Variants in TDRP observed in about 807,000 individuals in gnomAD.
TDRP encodes the protein testis development-related protein.
In TDRP, 12 loss-of-function variants were observed where a neutral mutation model predicts 10.5. The ratio of observed to expected loss-of-function variants is 1.15; its 90% CI spans 0.73 to 1.86. TDRP has a LOEUF of 1.86. Ranked by LOEUF, TDRP falls within the 40% of genes most tolerant of loss-of-function variation. The pLI, the probability that TDRP is intolerant of heterozygous loss-of-function variation, is 0.00. For synonymous variants in TDRP, 139 were observed against 95.4 expected, an observed-to-expected ratio of 1.46 and a Z score of -2.67; for missense variants, 353 against 229.2, an observed-to-expected ratio of 1.54 and a Z score of -3.49.
chr8:535,725 G>A (rs571035748), intron 1 of TDRP, among the ~76,000 whole-genome samples: 1 of 150,968 alleles, frequency 6.6e-6, no homozygotes, highest in African/African-American at 2.4e-5. Flanking sequence ...ACCAGAGGCA[G>A]GTCTGAGCGT....
intron 2 of TDRP, among the ~76,000 whole-genome samples, chr8:493,442 G>C (rs570939376): frequency 1.3e-5 from 2 of 152,356 alleles, no homozygotes; most frequent in East Asian, 3.9e-4. Context: ...AGCTCCGCCA[G>C]AGCACGAAGG....
At chr8:529,479 C>G (rs1802126318) in intron 1 of TDRP, among the ~76,000 whole-genome samples, 1 of 152,024 alleles carries the variant, frequency 6.6e-6, no homozygotes, top group Non-Finnish European at 1.5e-5. Flanking sequence ...TTTTCATATA[C>G]TTTTATATTG....
chr8:508,801 A>C (rs1435431003), intron 1 of TDRP, among the ~76,000 whole-genome samples: 1 of 152,188 alleles, frequency 6.6e-6, no homozygotes, highest in Non-Finnish European at 1.5e-5. Flanking sequence ...CATTAACTCA[A>C]AAGTCCAAAT....
At chr8:497,926 G>C (rs1216952363) in intron 1 of TDRP, among the ~76,000 whole-genome samples, 2 of 152,214 alleles carry the variant, frequency 1.3e-5, no homozygotes, top group Non-Finnish European at 2.9e-5. Flanking sequence ...AAGCCTTGGT[G>C]GTTTCTACAT....
intron 2 of TDRP, among the ~76,000 whole-genome samples, chr8:493,036 G>A (rs754621166): frequency 1.3e-5 from 2 of 152,170 alleles, no homozygotes; most frequent in Non-Finnish European, 2.9e-5. Context: ...AAGGCAATAG[G>A]AAGGTGGTAC....
intron 1 of TDRP, among the ~76,000 whole-genome samples, chr8:517,109 G>A (rs1476233022): frequency 1.9e-4 from 29 of 152,148 alleles, no homozygotes; most frequent in Non-Finnish European, 1.5e-5. Context: ...CCTCCCTTTG[G>A]CGCTCAGGCA....
chr8:540,875 C>G (rs1802473551), intron 1 of TDRP, among the ~76,000 whole-genome samples: 2 of 148,220 alleles, frequency 1.3e-5, no homozygotes, highest in African/African-American at 2.5e-5. Flanking sequence ...GATATGATTG[C>G]AAACTGAATG....
In TDRP at chr8:544,675, G is replaced by A. The variant is rs1363370627; in HGVS notation, c.83C>T (p.Ala28Val). ...EDGLRGGPPP[A>V]AAAAAQAQVQ... ...CTGCGCCTGGGCGGCGGCGGCGGCG[G>A]CCGGTGGCGGCCCCCCACGCAGGCC... The change falls in exon 1 of 3, where the codon GCC becomes GTC. Residue 28 changes from alanine to valine, a missense_variant. By Grantham distance (64) the Ala-to-Val change is moderately conservative. Transcript: ENST00000324079. 3.2e-6 allele frequency: 4 copies of A among 1,244,560 alleles called. No individual in the cohort carries two copies. Among genetic ancestry groups the A allele is most frequent in the African/African-American group, 3.1e-5 (2 of 64,354 alleles). 77.1% of individuals were successfully genotyped at this position (1,244,560 alleles called of 1,614,324 possible).
chr8:514,668 C>A (rs1261380687), intron 1 of TDRP, among the ~76,000 whole-genome samples: 1 of 152,342 alleles, frequency 6.6e-6, no homozygotes. Context: ...TTGAAGCCCT[C>A]TCTCCACTAC....
rs572199459 is a variant in TDRP at position 520,921 on chromosome 8, G to T, written c.108+23729C>A. On this transcript the variant is annotated intron_variant, in intron 1 of 2. Transcript: ENST00000324079. Reference sequence around the variant, plus strand: ...TACTTTCTTGTTTCCTTTGTTACATGTAAGTCTTAAATTTTGATATGCTTC... The same window carrying T: ...TACTTTCTTGTTTCCTTTGTTACATTTAAGTCTTAAATTTTGATATGCTTC... Among the ~76,000 whole-genome samples the T allele has an allele frequency of 1.4e-4, 22 of 152,132 alleles. No homozygotes were observed. In the South Asian group the frequency reaches 4.4e-3, roughly 30 times the overall value.
intron 1 of TDRP, among the ~76,000 whole-genome samples, chr8:531,662 T>A (rs1334114240): frequency 2.0e-5 from 3 of 152,246 alleles, no homozygotes. Context: ...TGGCACAACT[T>A]CTTTCCACAT....
intron 1 of TDRP, among the ~76,000 whole-genome samples, chr8:537,882 G>C (rs1195117800): frequency 2.0e-5 from 3 of 152,150 alleles, no homozygotes; most frequent in Admixed American, 1.3e-4. Flanking sequence ...TTATATAAAA[G>C]AGTAAGACTT....
At chr8:501,351 T>C (rs1017760183) in intron 1 of TDRP, among the ~76,000 whole-genome samples, 1 of 152,096 alleles carries the variant, frequency 6.6e-6, no homozygotes, top group Non-Finnish European at 1.5e-5. Flanking sequence ...ATACTTCTTT[T>C]GTTTTGTCTT....
At chr8:515,551 T>G (rs996733483) in intron 1 of TDRP, among the ~76,000 whole-genome samples, 1 of 152,198 alleles carries the variant, frequency 6.6e-6, no homozygotes, top group South Asian at 2.1e-4. Context: ...TCAAAAAGTT[T>G]TGAATTTTGG....
At chr8:532,466 G>A (rs555463870) in intron 1 of TDRP, among the ~76,000 whole-genome samples, 2 of 152,266 alleles carry the variant, frequency 1.3e-5, no homozygotes, top group African/African-American at 2.4e-5. Flanking sequence ...ACTCTGCTAG[G>A]GTGAAGACCA....
At position 491,533 on chromosome 8, in the gene TDRP, G is replaced by C. The variant is rs1281904761; in HGVS notation, c.*866C>G. ...CCAATCACAATAGGCATCTCGCTTT[G>C]CAAGAACAAACATATGAGCCTAATA... On this transcript the variant is annotated 3_prime_UTR_variant, in exon 3 of 3. Coordinates refer to ENST00000324079, the MANE Select transcript of TDRP (RefSeq NM_001384899.1). The C allele has an allele frequency of 1.5e-6, 2 of 1,371,666 alleles. No homozygotes were observed. Among genetic ancestry groups the C allele is most frequent in the Non-Finnish European group, 9.7e-7 (1 of 1,030,768 alleles). The allele number at this position is 1,371,666 out of a possible 1,614,324, so 85.0% of individuals were successfully genotyped here.
chr8:533,865 A>G lies in TDRP; in HGVS notation c.108+10785T>C, dbSNP rs576340499. Among the ~76,000 whole-genome samples, 24 of 152,322 alleles carry G rather than the reference A, an allele frequency of 1.6e-4. No individual in the cohort carries two copies. In the South Asian group the frequency reaches 5.0e-3, roughly 32 times the overall value. ...GCGCTTCTCACTTGCTAATTTACCG[A>G]GAACTGTTTATCTCCCATAGTAAGA... On this transcript the variant is annotated intron_variant, in intron 1 of 2. Transcript: ENST00000324079.
At chr8:523,062 T>C (rs533222600) in intron 1 of TDRP, among the ~76,000 whole-genome samples, 140 of 152,298 alleles carry the variant, frequency 9.2e-4, no homozygotes, top group African/African-American at 3.1e-3. Flanking sequence ...ACTTTGTTAA[T>C]TATGTTCTTT....
intron 1 of TDRP, among the ~76,000 whole-genome samples, chr8:505,770 T>C (rs1453677292): frequency 6.6e-6 from 1 of 152,174 alleles, no homozygotes; most frequent in African/African-American, 2.4e-5. Context: ...AGCTGCTGTG[T>C]AAACACCCTC....
Sources: gnomAD v4.1 joint callset for allele counts (sites outside exome capture counted in the v4.1 genomes callset) on GRCh38, gnomAD v4.1.1 for gene constraint, MANE v1.5 for transcripts, NCBI Gene and HGNC (gene_info 2026-07-23, HGNC 2026-07-21) for gene names.